The following LRIF1 variants were observed in gnomAD, a reference collection of about 807,000 sequenced individuals.
LRIF1 encodes ligand-dependent nuclear receptor-interacting factor 1.
In LRIF1, 32 loss-of-function variants were observed where a neutral mutation model predicts 52.7. That is an observed-to-expected ratio of 0.61 (90% CI 0.46 to 0.82). LRIF1 has a LOEUF of 0.82. Among genes scored for constraint, LRIF1 ranks in the 40% least tolerant of loss-of-function variants. The probability of loss-of-function intolerance (pLI) is 0.00; values close to 1 mark genes in which losing one functional copy is unlikely to be tolerated. For missense variants in LRIF1, 887 were observed against 892.0 expected (o/e 0.99, Z 0.07); for synonymous variants, 323 against 317.4 (o/e 1.02, Z -0.19).
At chr1:110,953,500 C>T (rs542955242) in intron 1 of LRIF1, among the ~76,000 whole-genome samples, 96 of 152,194 alleles carry the variant, frequency 6.3e-4, no homozygotes, top group Non-Finnish European at 1.2e-3. Context: ...TATAATACCA[C>T]TGCAATTTCA....
the LRIF1 span, among the ~76,000 whole-genome samples, chr1:110,902,790 C>A: frequency 6.6e-6 from 1 of 152,192 alleles, no homozygotes; most frequent in Non-Finnish European, 1.5e-5. Flanking sequence ...TAACAACTGT[C>A]TAACACAAAA....
chr1:110,927,993 G>T, the LRIF1 span, among the ~76,000 whole-genome samples: 1 of 151,998 alleles, frequency 6.6e-6, no homozygotes, highest in Admixed American at 6.6e-5. Flanking sequence ...GAAAATCCTT[G>T]ATCTACGTTT....
rs1361140402 is a variant in LRIF1, at chr1:110,948,218, T to C, written c.2051A>G (p.His684Arg). Residue 684 changes from histidine to arginine, a missense_variant, in exon 4 of 4, where the codon CAC becomes CGC. Physicochemically the swap from His to Arg is conservative, Grantham distance 29 (BLOSUM62 0). Transcript: ENST00000369763. ...DVSQHNILTS[H>R]SKTRQEKRTE... ...TCTCTTTTCTTGTCTGGTTTTGCTG[T>C]GACTCGTGAGAATGTTATGTTGTGA... is the stretch of plus-strand genomic sequence containing the variant. 1.2e-6 allele frequency: 2 copies of C among 1,614,168 alleles called. No individual in the cohort carries two copies. The highest frequency in any genetic ancestry group is 2.2e-5 in the South Asian group (2 of 91,086).
chr1:110,940,998 CA>C, the LRIF1 span: 2 of 151,966 alleles, frequency 1.3e-5, no homozygotes, highest in Non-Finnish European at 2.9e-5. Flanking sequence ...TCTTGTAACA[CA>C]AAGGATAAAT....
the LRIF1 span, among the ~76,000 whole-genome samples, chr1:110,896,022 T>G: frequency 6.6e-6 from 1 of 152,222 alleles, no homozygotes; most frequent in Non-Finnish European, 1.5e-5. Flanking sequence ...CAAATCAAGA[T>G]CTTAACAAGG....
chr1:110,955,862 G>A (rs1311341232), intron 1 of LRIF1, among the ~76,000 whole-genome samples: 2 of 152,168 alleles, frequency 1.3e-5, no homozygotes, highest in Non-Finnish European at 2.9e-5. Flanking sequence ...GTTCAGGGAA[G>A]AAACTGGTAA....
At position 110,949,856 on chromosome 1, in the gene LRIF1, TTC is replaced by T; in HGVS notation, c.1862_1863del (p.Arg621LysfsTer6). On this transcript the variant is annotated frameshift_variant, in exon 3 of 4. Coordinates refer to ENST00000369763, the MANE Select transcript of LRIF1 (RefSeq NM_018372.4). LOFTEE classifies it low-confidence loss of function (END_TRUNC). ...CATTAAAATGTATTACCTACCTGTT[TTC>T]TCTCTCCTTCCTTCACCATAAACTC... ...ETEFMVKEGE[R>X]KQQNFDKKRK... is the part of the protein sequence containing the mutation. 1 of 1,613,078 alleles carries T rather than the reference TTC, an allele frequency of 6.2e-7. No individual in the cohort carries two copies.
chr1:110,895,145 C>T, the LRIF1 span: 6 of 956,756 alleles, frequency 6.3e-6, no homozygotes, highest in South Asian at 7.9e-5. Context: ...CTGGAAGTTT[C>T]AGAATCTAAG....
the LRIF1 span, among the ~76,000 whole-genome samples, chr1:110,893,812 T>C: frequency 6.6e-6 from 1 of 152,250 alleles, no homozygotes; most frequent in Non-Finnish European, 1.5e-5. Context: ...AAATGTTTTC[T>C]GTTGTGTGTT....
the LRIF1 span, among the ~76,000 whole-genome samples, chr1:110,910,331 G>A: frequency 2.0e-5 from 3 of 151,978 alleles, no homozygotes; most frequent in African/African-American, 7.2e-5. Flanking sequence ...GGACACAGTG[G>A]CTCACGCATG....
chr1:110,903,307 G>T, the LRIF1 span, among the ~76,000 whole-genome samples: 4 of 152,188 alleles, frequency 2.6e-5, no homozygotes, highest in African/African-American at 4.8e-5. Flanking sequence ...CTAAGAGAGT[G>T]CTGGCATCAC....
the LRIF1 span, among the ~76,000 whole-genome samples, chr1:110,879,469 G>A: frequency 1.3e-5 from 2 of 152,122 alleles, no homozygotes; most frequent in Non-Finnish European, 2.9e-5. Flanking sequence ...TAAGTGATCT[G>A]CAACATAAAA....
At chr1:110,929,739 C>T in the LRIF1 span, among the ~76,000 whole-genome samples, 1 of 152,156 alleles carries the variant, frequency 6.6e-6, no homozygotes, top group Non-Finnish European at 1.5e-5. Context: ...AGGCCATTAT[C>T]CTCAGCAAAC....
Position 110,951,673 on chromosome 1 carries a change from A to G in LRIF1, c.1211T>C (p.Val404Ala). 6.2e-7 allele frequency: 1 copy of G among 1,614,052 alleles called. No individual in the cohort carries two copies. ...DTLQTVSSSPVTEISREVVNI... is the reference protein window; with the variant it reads ...DTLQTVSSSPATEISREVVNI... The stretch of plus-strand genomic sequence containing the variant: ...TACAACCTCTCTGGATATTTCTGTG[A>G]CTGGACTTGAACTCACTGTCTGTAA... Residue 404 changes from valine to alanine, a missense_variant, in exon 2 of 4, where the codon GTC becomes GCC. Physicochemically the swap from Val to Ala is moderately conservative, Grantham distance 64. Coordinates refer to ENST00000369763, the MANE Select transcript of LRIF1 (RefSeq NM_018372.4).
intron 1 of LRIF1, among the ~76,000 whole-genome samples, chr1:110,955,296 T>C (rs906379727): frequency 6.6e-6 from 1 of 152,230 alleles, no homozygotes; most frequent in East Asian, 1.9e-4. Context: ...CTTTCATCTG[T>C]TCAATTCTCT....
intron 1 of LRIF1, among the ~76,000 whole-genome samples, chr1:110,957,780 ATCAT>A (rs66636616): frequency 0.21 from 32,337 of 152,108 alleles, 4,075 homozygotes; most frequent in East Asian, 0.34. Flanking sequence ...TGTCTTTATC[ATCAT>A]TCTTATTTAC....
At chr1:110,895,490 A>G in the LRIF1 span, among the ~76,000 whole-genome samples, 2 of 152,182 alleles carry the variant, frequency 1.3e-5, no homozygotes, top group African/African-American at 4.8e-5. Flanking sequence ...GTATATGTAC[A>G]GCATATACAA....
At chr1:110,879,530 A>C in the LRIF1 span, among the ~76,000 whole-genome samples, 19 of 152,222 alleles carry the variant, frequency 1.2e-4, no homozygotes, top group Admixed American at 1.2e-3. Flanking sequence ...CTCACAGTGC[A>C]CATTAGCATA....
chr1:110,909,287 A>G, the LRIF1 span, among the ~76,000 whole-genome samples: 1 of 152,176 alleles, frequency 6.6e-6, no homozygotes, highest in South Asian at 2.1e-4. Context: ...AAATACATAG[A>G]GCTTACTGCC....
Sources: gnomAD v4.1 joint callset for allele counts (sites outside exome capture counted in the v4.1 genomes callset) on GRCh38, gnomAD v4.1.1 for gene constraint, MANE v1.5 for transcripts, NCBI Gene and HGNC (gene_info 2026-07-23, HGNC 2026-07-21) for gene names.